VDR: variants seen among roughly 807,000 people sequenced by gnomAD.
The protein encoded by VDR is vitamin D3 receptor.
Under a neutral mutation model 39.7 loss-of-function variants are expected in VDR, and 19 were observed. The observed-to-expected ratio is 0.48, with a 90% CI of 0.33 to 0.70. The LOEUF is 0.70. VDR is among the 30% of genes least tolerant of loss of function. VDR has a pLI of 0.02. For missense variants in VDR, 442 were observed against 570.5 expected (o/e 0.77, Z 2.29); for synonymous variants, 242 against 215.8 (o/e 1.12, Z -1.07).
chr12:47,866,647 C>T (rs1945742810), intron 3 of VDR, among the ~76,000 whole-genome samples: 1 of 152,128 alleles, frequency 6.6e-6, no homozygotes, highest in Admixed American at 6.5e-5. Flanking sequence ...AATCCTGAGG[C>T]CTGGCCTTGG....
At chr12:47,863,627 T>C (rs1945668969) in intron 4 of VDR, among the ~76,000 whole-genome samples, 1 of 152,104 alleles carries the variant, frequency 6.6e-6, no homozygotes, top group Non-Finnish European at 1.5e-5. Flanking sequence ...TCTTATTCTC[T>C]CCAGGATAAA....
chr12:47,899,048 C>T (rs569252160), intron 1 of VDR, among the ~76,000 whole-genome samples: 100 of 152,172 alleles, frequency 6.6e-4, no homozygotes, highest in African/African-American at 2.1e-3. Flanking sequence ...TGATATATCG[C>T]GGTTTTTAAA....
chr12:47,847,447 C>T (rs1240406960), intron 7 of VDR, among the ~76,000 whole-genome samples: 3 of 152,162 alleles, frequency 2.0e-5, no homozygotes, highest in African/African-American at 7.2e-5. Context: ...ACCCTAGGAT[C>T]AGGCCCACAC....
chr12:47,861,048 C>A (rs1361336837), intron 4 of VDR, among the ~76,000 whole-genome samples: 1 of 152,210 alleles, frequency 6.6e-6, no homozygotes. Flanking sequence ...AGGCTTTCTA[C>A]CTTTCTCAAA....
In VDR at chr12:47,844,421, C is replaced by G; in HGVS notation, c.*325G>C. The G allele has an allele frequency of 1.9e-6, 1 of 517,674 alleles. No homozygotes were observed. Among genetic ancestry groups the G allele is most frequent in the Non-Finnish European group, 3.5e-6 (1 of 284,684 alleles). The allele number at this position is 517,674 out of a possible 1,614,324, so 32.1% of individuals were successfully genotyped here. ...TTTCTCCTGTCTGTTCCCTCAACAT[C>G]AGTCAGCAGCCACTTAGGCAGCGGT... On this transcript the variant is annotated 3_prime_UTR_variant, in exon 10 of 10. Transcript: ENST00000549336.
intron 9 of VDR, among the ~76,000 whole-genome samples, chr12:47,846,119 C>T (rs1336627569): frequency 6.6e-6 from 1 of 152,248 alleles, no homozygotes; most frequent in East Asian, 1.9e-4. Context: ...TACGAATCGC[C>T]TGCACACTCT....
chr12:47,902,011 C>T (rs1209359112), intron 1 of VDR, among the ~76,000 whole-genome samples: 1 of 152,208 alleles, frequency 6.6e-6, no homozygotes, highest in Non-Finnish European at 1.5e-5. Context: ...GGGCTGTCCT[C>T]AGAATTAAGC....
At chr12:47,850,892 CCTCCAGCAGGCTTGTAGCAGGG>C (rs779028387) in intron 7 of VDR, among the ~76,000 whole-genome samples, 2 of 146,936 alleles carry the variant, frequency 1.4e-5, no homozygotes, top group African/African-American at 2.5e-5. Context: ...TCCCACGGTA[CCTCCAGCAGGCTTGTAGCAGGG>C]CTCTTATCTC....
intron 4 of VDR, among the ~76,000 whole-genome samples, chr12:47,861,787 G>A (rs2107301): frequency 0.27 from 40,773 of 152,126 alleles, 6,307 homozygotes; most frequent in East Asian, 0.68. Flanking sequence ...ATAATTTTGC[G>A]CAAGTTATTC....
chr12:47,902,201 C>A (rs1946576375), intron 1 of VDR, among the ~76,000 whole-genome samples: 1 of 152,228 alleles, frequency 6.6e-6, no homozygotes, highest in Admixed American at 6.5e-5. Context: ...TCCCCTTTCA[C>A]TCTCAGAAGT....
chr12:47,895,993 G>A (rs1946459445), intron 1 of VDR, among the ~76,000 whole-genome samples: 1 of 152,242 alleles, frequency 6.6e-6, no homozygotes, highest in Admixed American at 6.5e-5. Context: ...CTCACGGTTA[G>A]AAGTGCAGGC....
At chr12:47,899,011 A>G (rs1946512615) in intron 1 of VDR, among the ~76,000 whole-genome samples, 1 of 152,230 alleles carries the variant, frequency 6.6e-6, no homozygotes, top group Non-Finnish European at 1.5e-5. Flanking sequence ...TCTTTAATCT[A>G]TACATAAACA....
chr12:47,892,570 C>T (rs1392674934), intron 1 of VDR, among the ~76,000 whole-genome samples: 1 of 152,360 alleles, frequency 6.6e-6, no homozygotes, highest in East Asian at 1.9e-4. Context: ...GACATTGACT[C>T]TGGCCTCTGC....
chr12:47,904,703 G>A, intron 1 of VDR: 1 of 1,457,510 alleles, frequency 6.9e-7, no homozygotes, highest in Non-Finnish European at 9.2e-7. Flanking sequence ...TGTTAGCGGA[G>A]CATTTCTCCT....
intron 7 of VDR, among the ~76,000 whole-genome samples, chr12:47,849,075 A>C (rs1945336607): frequency 6.6e-6 from 1 of 152,240 alleles, no homozygotes; most frequent in African/African-American, 2.4e-5. Flanking sequence ...CAGGGCTCAC[A>C]AATCAGCTTG....
In VDR at chr12:47,882,709, G is replaced by A. The variant is rs898351670; in HGVS notation, c.-18C>T. 9.2e-6 allele frequency: 14 copies of A among 1,529,998 alleles called. No individual in the cohort carries two copies. The highest frequency in any genetic ancestry group is 2.6e-6 in the Non-Finnish European group (3 of 1,144,564). 94.8% of individuals were successfully genotyped at this position (1,529,998 alleles called of 1,614,324 possible). A position where few individuals can be genotyped will look rare whatever the true frequency, so the allele number is the denominator to read the frequency against. On this transcript the variant is annotated 5_prime_UTR_variant, in exon 2 of 10. Coordinates refer to ENST00000549336, the MANE Select transcript of VDR (RefSeq NM_000376.3). The stretch of plus-strand genomic sequence containing the variant: ...AAACACCTACCTGAAGGAGCAGGGG[G>A]CAGGTAAGTGGAGCCCAGGGGTGCT...
chr12:47,867,923 C>G (rs1592121405), intron 3 of VDR, among the ~76,000 whole-genome samples: 1 of 152,160 alleles, frequency 6.6e-6, no homozygotes, highest in African/African-American at 2.4e-5. Flanking sequence ...GGGACCACAC[C>G]GACTCAGCCC....
At chr12:47,878,726 A>G in intron 3 of VDR, 2 of 650,576 alleles carry the variant, frequency 3.1e-6, no homozygotes, top group South Asian at 3.0e-5. Flanking sequence ...GGAAAGACAG[A>G]GACCCACACA....
In VDR at chr12:47,844,079, G is replaced by T. The variant is rs1024389188; in HGVS notation, c.*667C>A. 6.4e-6 allele frequency: 1 copy of T among 155,784 alleles called. No individual in the cohort carries two copies. The highest frequency in any genetic ancestry group is 1.8e-4 in the East Asian group (1 of 5,426). 9.7% of individuals were successfully genotyped at this position (155,784 alleles called of 1,614,324 possible). A position where few individuals can be genotyped will look rare whatever the true frequency, so the allele number is the denominator to read the frequency against. On this transcript the variant is annotated 3_prime_UTR_variant, in exon 10 of 10. Coordinates refer to ENST00000549336, the MANE Select transcript of VDR (RefSeq NM_000376.3). ...TTAGACCCAGGGCGAGGAACTGTGA[G>T]CTTGGTGACAGGGACAGCTGTCATA... is the stretch of plus-strand genomic sequence containing the variant.
Sources: gnomAD v4.1 joint callset for allele counts (sites outside exome capture counted in the v4.1 genomes callset) on GRCh38, gnomAD v4.1.1 for gene constraint, MANE v1.5 for transcripts, NCBI Gene and HGNC (gene_info 2026-07-23, HGNC 2026-07-21) for gene names.